Variants in SCHIP1 observed in about 807,000 individuals in gnomAD.
SCHIP1 encodes schwannomin interacting protein 1.
A neutral mutation model predicts 29.7 loss-of-function variants in SCHIP1; 8 were observed. That is an observed-to-expected ratio of 0.27 (90% CI 0.16 to 0.49). SCHIP1 has a LOEUF of 0.49. SCHIP1 is among the 20% of genes least tolerant of loss of function. SCHIP1 has a pLI of 0.99. For synonymous variants in SCHIP1, 76 were observed against 94.9 expected, an observed-to-expected ratio of 0.80 and a Z score of 1.16; for missense variants, 193 against 294.6, an observed-to-expected ratio of 0.66 and a Z score of 2.52.
chr3:159,420,901 T>G, the SCHIP1 span, among the ~76,000 whole-genome samples: 1 of 152,200 alleles, frequency 6.6e-6, no homozygotes, highest in Non-Finnish European at 1.5e-5. Flanking sequence ...GGTGTACAAC[T>G]TTTAAGACAT....
chr3:159,741,166 A>G, the SCHIP1 span, among the ~76,000 whole-genome samples: 1 of 152,182 alleles, frequency 6.6e-6, no homozygotes, highest in African/African-American at 2.4e-5. Context: ...ATAAATGTTT[A>G]TTGTTGAATG....
At chr3:159,715,132 G>A in the SCHIP1 span, among the ~76,000 whole-genome samples, 1 of 152,348 alleles carries the variant, frequency 6.6e-6, no homozygotes, top group East Asian at 1.9e-4. Flanking sequence ...CAGGCAAACA[G>A]GGTCTGGAGT....
chr3:159,403,777 T>C, the SCHIP1 span, among the ~76,000 whole-genome samples: 1 of 152,168 alleles, frequency 6.6e-6, no homozygotes, highest in Non-Finnish European at 1.5e-5. Flanking sequence ...GCCAGTGGAA[T>C]TGGGGGACAT....
intron 1 of SCHIP1, among the ~76,000 whole-genome samples, chr3:159,854,910 G>T (rs755848726): frequency 6.6e-6 from 1 of 152,244 alleles, no homozygotes; most frequent in Non-Finnish European, 1.5e-5. Context: ...TAAGTAAGCA[G>T]TGATACACCA....
chr3:159,530,035 C>T, the SCHIP1 span, among the ~76,000 whole-genome samples: 4 of 152,292 alleles, frequency 2.6e-5, no homozygotes, highest in South Asian at 2.1e-4. Context: ...TCTTGGCTAT[C>T]GTGAAGAGTG....
At chr3:159,753,847 A>G in the SCHIP1 span, among the ~76,000 whole-genome samples, 2,154 of 152,120 alleles carry the variant, frequency 0.014, 45 homozygotes, top group African/African-American at 0.049. Context: ...AGCTTCTTCC[A>G]TCCTCAAAAC....
the SCHIP1 span, among the ~76,000 whole-genome samples, chr3:159,750,296 T>TATATATATATACACACAC: frequency 7.5e-6 from 1 of 132,744 alleles, no homozygotes; most frequent in Non-Finnish European, 1.5e-5. Context: ...TATATATATA[T>TATATATATATACACACAC]ACACACACAC....
chr3:159,654,730 G>A, the SCHIP1 span, among the ~76,000 whole-genome samples: 18 of 149,800 alleles, frequency 1.2e-4, no homozygotes, highest in Non-Finnish European at 1.8e-4. Flanking sequence ...ATGGAGCTAC[G>A]GGACACTTCA....
the SCHIP1 span, among the ~76,000 whole-genome samples, chr3:159,326,475 G>C: frequency 6.6e-6 from 1 of 151,780 alleles, no homozygotes; most frequent in South Asian, 2.1e-4. Flanking sequence ...GTGATAGACT[G>C]AATTATCTCT....
chr3:159,497,030 T>C, the SCHIP1 span, among the ~76,000 whole-genome samples: 11 of 152,238 alleles, frequency 7.2e-5, no homozygotes, highest in African/African-American at 2.6e-4. Flanking sequence ...CCACATGTTC[T>C]CACTCATAGG....
the SCHIP1 span, among the ~76,000 whole-genome samples, chr3:159,278,652 G>A: frequency 5.3e-5 from 8 of 152,018 alleles, no homozygotes; most frequent in East Asian, 1.9e-4. Context: ...TATAAATTGG[G>A]AGAAATCCTG....
At chr3:159,694,964 A>G in the SCHIP1 span, among the ~76,000 whole-genome samples, 1 of 152,166 alleles carries the variant, frequency 6.6e-6, no homozygotes, top group Admixed American at 6.5e-5. Context: ...AGTTATTTAG[A>G]AGACTTGTCC....
the SCHIP1 span, among the ~76,000 whole-genome samples, chr3:159,459,599 T>C: frequency 6.6e-6 from 1 of 152,064 alleles, no homozygotes; most frequent in Non-Finnish European, 1.5e-5. Flanking sequence ...GACAGAAATA[T>C]TTCAATGCAA....
At chr3:159,846,168 T>C (rs1383042217) in intron 1 of SCHIP1, 1 of 152,092 alleles carries the variant, frequency 6.6e-6, no homozygotes, top group Non-Finnish European at 1.5e-5. Context: ...CTATAATGAG[T>C]TTTGCAAAGT....
the SCHIP1 span, among the ~76,000 whole-genome samples, chr3:159,813,620 C>T: frequency 7.6e-4 from 116 of 151,750 alleles, 2 homozygotes; most frequent in Non-Finnish European, 2.1e-4. Flanking sequence ...GCCAGGAGTT[C>T]GAGGCTGCAC....
the SCHIP1 span, among the ~76,000 whole-genome samples, chr3:159,502,449 A>G: frequency 4.6e-5 from 7 of 151,930 alleles, no homozygotes; most frequent in Non-Finnish European, 8.8e-5. Flanking sequence ...GCAGACCCAC[A>G]TATAGTGACC....
the SCHIP1 span, among the ~76,000 whole-genome samples, chr3:159,643,241 TGCTG>T: frequency 6.6e-6 from 1 of 152,122 alleles, no homozygotes; most frequent in Non-Finnish European, 1.5e-5. Flanking sequence ...CCAAGTACAA[TGCTG>T]GCTGTTTCCC....
chr3:159,436,152 G>A, the SCHIP1 span, among the ~76,000 whole-genome samples: 2 of 152,106 alleles, frequency 1.3e-5, no homozygotes, highest in African/African-American at 2.4e-5. Flanking sequence ...ATCAGCATTG[G>A]TATCCAAATA....
At chr3:159,558,425 A>G in the SCHIP1 span, among the ~76,000 whole-genome samples, 554 of 152,346 alleles carry the variant, frequency 3.6e-3, 2 homozygotes, top group African/African-American at 0.013. Flanking sequence ...TTCTAGGACA[A>G]TAAGAGACAA....
Sources: allele counts gnomAD v4.1 joint callset (sites outside exome capture counted in the v4.1 genomes callset), GRCh38; gene constraint gnomAD v4.1.1; transcripts MANE v1.5; gene names NCBI Gene and HGNC (gene_info 2026-07-23, HGNC 2026-07-21).